The following NDST3 variants were observed in gnomAD, a reference collection of about 807,000 sequenced individuals.
The protein encoded by NDST3 is N-deacetylase and N-sulfotransferase 3.
A neutral mutation model predicts 96.1 loss-of-function variants in NDST3; 58 were observed. The ratio of observed to expected loss-of-function variants is 0.60; its 90% CI spans 0.49 to 0.75. The LOEUF (loss-of-function observed/expected upper bound fraction) is 0.75, where lower values mean the gene tolerates loss of function less well. NDST3 is among the 30% of genes least tolerant of loss of function. The probability of loss-of-function intolerance (pLI) is 0.00; values close to 1 mark genes in which losing one functional copy is unlikely to be tolerated. For missense variants in NDST3, 788 were observed against 1,034.2 expected, an observed-to-expected ratio of 0.76 and a Z score of 3.27; for synonymous variants, 333 against 359.7, an observed-to-expected ratio of 0.93 and a Z score of 0.84.
intron 2 of NDST3, among the ~76,000 whole-genome samples, chr4:118,069,295 G>A (rs1726850063): frequency 6.6e-6 from 1 of 152,028 alleles, no homozygotes; most frequent in Non-Finnish European, 1.5e-5. Flanking sequence ...TGCTTCTAAT[G>A]AAATAGCAAA....
intron 6 of NDST3, among the ~76,000 whole-genome samples, chr4:118,186,372 A>C (rs984565171): frequency 6.6e-6 from 1 of 152,190 alleles, no homozygotes; most frequent in Non-Finnish European, 1.5e-5. Context: ...AGGGAAGTTT[A>C]TTAAGCAGTA....
intron 6 of NDST3, among the ~76,000 whole-genome samples, chr4:118,168,359 A>G (rs1271959297): frequency 3.3e-5 from 5 of 152,052 alleles, no homozygotes; most frequent in Non-Finnish European, 7.4e-5. Flanking sequence ...TGTTTAAAAA[A>G]GTCACTAATC....
At chr4:118,189,902 G>A (rs1010557395) in intron 6 of NDST3, among the ~76,000 whole-genome samples, 4 of 151,466 alleles carry the variant, frequency 2.6e-5, no homozygotes, top group East Asian at 1.9e-4. Flanking sequence ...GTCATCTTTC[G>A]ACCACACAAG....
At position 118,093,957 on chromosome 4, in the gene NDST3, AAC is replaced by A. The variant is rs1189086890; in HGVS notation, c.982-11058_982-11057del. On this transcript the variant is annotated intron_variant, in intron 2 of 13. Coordinates refer to ENST00000296499, the MANE Select transcript of NDST3 (RefSeq NM_004784.3). Reference sequence around the variant, plus strand: ...GTTGCTGCATCCTCCAGAGGGGACAAACACTGTATTTTCACATGGCAGAAGGG... The same window carrying A: ...GTTGCTGCATCCTCCAGAGGGGACAAACTGTATTTTCACATGGCAGAAGGG... 8.6e-5 allele frequency among the ~76,000 whole-genome samples: 13 copies of A among 151,856 alleles called. No individual in the cohort carries two copies. The East Asian group carries it at 1.8e-3, about 20-fold the overall frequency.
chr4:118,248,286 G>A (rs1741448306), intron 12 of NDST3, among the ~76,000 whole-genome samples: 2 of 152,022 alleles, frequency 1.3e-5, no homozygotes, highest in Admixed American at 1.3e-4. Flanking sequence ...AGCAGGTTGA[G>A]GTTGCAGTGA....
At chr4:118,212,929 C>G (rs1287234736) in intron 6 of NDST3, among the ~76,000 whole-genome samples, 1 of 152,146 alleles carries the variant, frequency 6.6e-6, no homozygotes. Context: ...CTATATTGAA[C>G]TTTTAGCATG....
chr4:118,230,633 A>G (rs1740221745), intron 8 of NDST3, among the ~76,000 whole-genome samples: 1 of 152,140 alleles, frequency 6.6e-6, no homozygotes, highest in Non-Finnish European at 1.5e-5. Context: ...CGAATCAGAG[A>G]TACTGGGATA....
chr4:118,241,626 A>G (rs1741013704), intron 11 of NDST3, among the ~76,000 whole-genome samples: 1 of 152,210 alleles, frequency 6.6e-6, no homozygotes, highest in Non-Finnish European at 1.5e-5. Flanking sequence ...TCCTGAAAGG[A>G]ATCGTGAGGA....
intron 6 of NDST3, among the ~76,000 whole-genome samples, chr4:118,177,181 T>C (rs1474657335): frequency 6.6e-6 from 1 of 151,754 alleles, no homozygotes; most frequent in African/African-American, 2.4e-5. Flanking sequence ...AAAGAACAAG[T>C]TTGTGAAGAT....
intron 4 of NDST3, among the ~76,000 whole-genome samples, chr4:118,123,039 A>G (rs752223929): frequency 4.7e-4 from 71 of 152,296 alleles, no homozygotes; most frequent in Non-Finnish European, 9.0e-4. Flanking sequence ...AGATCTCATA[A>G]TCAAAATGTT....
intron 1 of NDST3, among the ~76,000 whole-genome samples, chr4:118,037,882 G>A (rs1724236672): frequency 6.6e-6 from 1 of 152,122 alleles, no homozygotes; most frequent in Non-Finnish European, 1.5e-5. Flanking sequence ...GAGAGTAATA[G>A]AACCTTCAAC....
At chr4:118,238,205 AAGAAAGAAAGAAAGAAAG>A (rs1740797968) in intron 10 of NDST3, among the ~76,000 whole-genome samples, 1 of 144,510 alleles carries the variant, frequency 6.9e-6, no homozygotes, top group Non-Finnish European at 1.5e-5. Context: ...GAAAGAAAGA[AAGAAAGAAAGAAAGAAAG>A]AAAAAGAAAG....
At chr4:118,155,778 C>T (rs1447421811) in intron 6 of NDST3, among the ~76,000 whole-genome samples, 1 of 152,110 alleles carries the variant, frequency 6.6e-6, no homozygotes, top group Non-Finnish European at 1.5e-5. Context: ...ACTGTAATTA[C>T]TTGTCACTCT....
chr4:118,185,874 G>A (rs887356905), intron 6 of NDST3, among the ~76,000 whole-genome samples: 1 of 152,136 alleles, frequency 6.6e-6, no homozygotes, highest in African/African-American at 2.4e-5. Flanking sequence ...TGCACTTAAA[G>A]TATGTAAGGA....
At chr4:118,111,683 C>G (rs1730653747) in intron 3 of NDST3, among the ~76,000 whole-genome samples, 1 of 151,954 alleles carries the variant, frequency 6.6e-6, no homozygotes, top group Admixed American at 6.6e-5. Flanking sequence ...ACTACAGGTG[C>G]CCGCCACCAT....
intron 2 of NDST3, among the ~76,000 whole-genome samples, chr4:118,088,851 T>G (rs1728642537): frequency 1.3e-5 from 2 of 151,966 alleles, no homozygotes; most frequent in African/African-American, 4.8e-5. Context: ...ACAGCTTCCA[T>G]GTCTAGACCG....
chr4:118,078,173 A>G (rs571778867), intron 2 of NDST3, among the ~76,000 whole-genome samples: 42 of 152,012 alleles, frequency 2.8e-4, no homozygotes, highest in Admixed American at 8.5e-4. Flanking sequence ...CTCAGCCCAG[A>G]CAGGCTGGTG....
intron 10 of NDST3, among the ~76,000 whole-genome samples, chr4:118,239,955 C>T (rs930686966): frequency 9.2e-5 from 14 of 152,022 alleles, no homozygotes; most frequent in African/African-American, 3.1e-4. Context: ...GCAAAGGTTA[C>T]CATTAGATAA....
chr4:118,195,949 G>A (rs1737656125), intron 6 of NDST3, among the ~76,000 whole-genome samples: 2 of 152,116 alleles, frequency 1.3e-5, no homozygotes, highest in Admixed American at 6.5e-5. Flanking sequence ...AGGTTTTCAG[G>A]TTTTCCCCAT....
Sources: gnomAD v4.1 joint callset for allele counts (sites outside exome capture counted in the v4.1 genomes callset) on GRCh38, gnomAD v4.1.1 for gene constraint, MANE v1.5 for transcripts, NCBI Gene and HGNC (gene_info 2026-07-23, HGNC 2026-07-21) for gene names.